The following ABR variants were observed in gnomAD, a reference collection of about 807,000 sequenced individuals.
ABR encodes the protein active breakpoint cluster region-related protein.
ABR carries 35 observed loss-of-function variants against 107.2 expected under a neutral mutation model. The observed-to-expected ratio is 0.33, with a 90% CI of 0.25 to 0.43. The LOEUF is 0.43. ABR is among the 20% of genes least tolerant of loss of function. The probability of loss-of-function intolerance (pLI) is 1.00; values close to 1 mark genes in which losing one functional copy is unlikely to be tolerated. For synonymous variants in ABR, 498 were observed against 462.0 expected (o/e 1.08, Z -1.00); for missense variants, 815 against 1,115.2 (o/e 0.73, Z 3.83).
rs1042050694 is a variant in ABR, at chr17:1,078,618, G to A, written c.700+712C>T. 9.2e-5 allele frequency among the ~76,000 whole-genome samples: 14 copies of A among 152,210 alleles called. No individual in the cohort carries two copies. Among genetic ancestry groups the A allele is most frequent in the Non-Finnish European group, 1.6e-4 (11 of 68,002 alleles). ...CAGCCTGGTCCTTCCATTTGCAAGC[G>A]GCCCTGCTCTGAGCAGCCCCCAGGT... is the stretch of plus-strand genomic sequence containing the variant. On this transcript the variant is annotated intron_variant, in intron 6 of 22. Transcript: ENST00000302538. The surrounding 1 kb of genome is among the most constrained non-coding windows in gnomAD (Gnocchi z 7.5).
rs566535426 is a variant in ABR at position 1,051,152 on chromosome 17, C to T, written c.1562-518G>A. On this transcript the variant is annotated intron_variant, in intron 14 of 22. Coordinates refer to ENST00000302538, the MANE Select transcript of ABR (RefSeq NM_021962.5). This position sits in a 1 kb window ranked among gnomAD's most constrained non-coding sequence, Gnocchi z 4.3. ...CCTGAATGCTCGGAGCATCCCCTGCCGCGGTGACGACCAACAACGCCCACA... is the reference window on the plus strand; with the variant it reads ...CCTGAATGCTCGGAGCATCCCCTGCTGCGGTGACGACCAACAACGCCCACA... Among the ~76,000 whole-genome samples, 5 of 152,228 alleles carry T rather than the reference C, an allele frequency of 3.3e-5. No homozygotes were observed. Among genetic ancestry groups the T allele is most frequent in the South Asian group, 2.1e-4 (1 of 4,828 alleles).
chr17:1,125,271 G>C lies in ABR; in HGVS notation c.158C>G (p.Ser53Trp). 6.2e-7 allele frequency: 1 copy of C among 1,613,596 alleles called. No individual in the cohort carries two copies. Among genetic ancestry groups the C allele is most frequent in the Non-Finnish European group, 8.5e-7 (1 of 1,179,774 alleles). ...GSETMPYIDE[S>W]PTMSPQLSAR... ...GCTGAGCTGCGGGGACATGGTGGGC[G>C]ACTCATCGATGTACGGCATGGTCTC... is the stretch of plus-strand genomic sequence containing the variant. The change falls in exon 2 of 23, where the codon TCG becomes TGG. Residue 53 changes from serine (S) to tryptophan (W), a missense_variant. Ser to Trp is a radical substitution (Grantham distance 177, BLOSUM62 -3). Around this residue, in one of 5 missense-constraint regions of ABR, gnomAD observed 129 missense variants for 124.8 expected, o/e 1.03. Transcript: ENST00000302538.
intron 16 of ABR, among the ~76,000 whole-genome samples, chr17:1,033,246 GC>G (rs1166204405): frequency 1.3e-5 from 2 of 152,230 alleles, no homozygotes; most frequent in African/African-American, 4.8e-5. Context: ...CTCCTCAGAG[GC>G]CTTGGTGTTT....
intron 2 of ABR, among the ~76,000 whole-genome samples, chr17:1,122,168 G>T (rs1275381578): frequency 6.6e-6 from 1 of 152,246 alleles, no homozygotes; most frequent in Non-Finnish European, 1.5e-5. Context: ...CTCCCAGAGT[G>T]CTGGGATTCC....
At chr17:1,112,766 C>G (rs992069372) in intron 2 of ABR, among the ~76,000 whole-genome samples, 32 of 152,282 alleles carry the variant, frequency 2.1e-4, no homozygotes, top group Non-Finnish European at 4.0e-4. Flanking sequence ...TGAAATCTTT[C>G]GCAGCCACTG....
At chr17:1,202,460 T>G (rs17624490) in intron 1 of ABR, among the ~76,000 whole-genome samples, 31,903 of 152,142 alleles carry the variant, frequency 0.21, 3,592 homozygotes, top group Middle Eastern at 0.3. Context: ...ATCCCGGCTG[T>G]CTCTTTCCTA....
chr17:1,040,103 G>A (rs923762878), intron 16 of ABR, among the ~76,000 whole-genome samples: 3 of 152,142 alleles, frequency 2.0e-5, no homozygotes, highest in Non-Finnish European at 2.9e-5. Flanking sequence ...ACCGGCCGTC[G>A]ATCATCTTCC....
chr17:1,199,120 T>C lies in ABR; in HGVS notation c.838+29673A>G, dbSNP rs560601141. ...CTATCTCCTCCCAGACCTTCATTCCTCTGAGGGGGCCGGGGAAGGTGTGAA... is the reference window on the plus strand; with the variant it reads ...CTATCTCCTCCCAGACCTTCATTCCCCTGAGGGGGCCGGGGAAGGTGTGAA... On this transcript the variant is annotated intron_variant, in intron 1 of 22. Coordinates refer to the ABR transcript ENST00000574139. 6.5e-4 allele frequency among the ~76,000 whole-genome samples: 97 copies of C among 148,758 alleles called. 1 individual carries two copies. The highest frequency in any genetic ancestry group is 1.1e-3 in the Non-Finnish European group (75 of 67,666).
chr17:1,043,707 C>T (rs908020615), intron 16 of ABR, among the ~76,000 whole-genome samples: 1 of 152,140 alleles, frequency 6.6e-6, no homozygotes, highest in Non-Finnish European at 1.5e-5. Context: ...AGGCCGGACG[C>T]GGTGGCTCAC....
chr17:1,188,514 T>C (rs922393958), upstream of ABR, among the ~76,000 whole-genome samples: 4 of 150,100 alleles, frequency 2.7e-5, no homozygotes, highest in Non-Finnish European at 5.9e-5. Flanking sequence ...CGCACCACTG[T>C]ACTCCAGCCT....
At position 1,050,493 on chromosome 17, in the gene ABR, G is replaced by A. The variant is rs116728046; in HGVS notation, c.1659+44C>T. 1,525 of 1,554,170 alleles carry A rather than the reference G, an allele frequency of 9.8e-4. 16 individuals carry two copies. In the African/African-American group the frequency reaches 0.017, roughly 17 times the overall value. The stretch of plus-strand genomic sequence containing the variant: ...TCCCCAGCAGACAAGCCACGAGCAC[G>A]GGGTGGTGGGGTCCCCACAGAGATG... On this transcript the variant is annotated intron_variant, in intron 15 of 22. Transcript: ENST00000302538. This position sits in a 1 kb window ranked among gnomAD's most constrained non-coding sequence, Gnocchi z 4.6.
Position 1,070,139 on chromosome 17 carries a change from G to C in ABR, c.895-49C>G. ...AGCCTGCTCAGAGGGGAATGCGGCC[G>C]AGGGCAGAGCCTGCACACGGGGGCA... On this transcript the variant is annotated intron_variant, in intron 8 of 22. Coordinates refer to ENST00000302538, the MANE Select transcript of ABR (RefSeq NM_021962.5). The surrounding 1 kb of genome is among the most constrained non-coding windows in gnomAD (Gnocchi z 4.2). 6.2e-7 allele frequency: 1 copy of C among 1,608,780 alleles called. No individual in the cohort carries two copies. Among genetic ancestry groups the C allele is most frequent in the Non-Finnish European group, 8.5e-7 (1 of 1,177,694 alleles).
chr17:1,075,453 C>T (rs181179890), intron 6 of ABR, among the ~76,000 whole-genome samples: 236 of 152,378 alleles, frequency 1.5e-3, no homozygotes, highest in African/African-American at 5.4e-3. Context: ...ACCCCGTGCG[C>T]GGCTAAGCAG....
intron 18 of ABR, 68 bp downstream of exon 18, chr17:1,012,620 G>T: frequency 8.3e-7 from 1 of 1,197,798 alleles, no homozygotes; most frequent in Non-Finnish European, 1.2e-6. Flanking sequence ...GGGGAGGGCT[G>T]GGGGGCCCGG....
At chr17:1,075,867 C>T (rs2035661429) in intron 6 of ABR, among the ~76,000 whole-genome samples, 1 of 152,116 alleles carries the variant, frequency 6.6e-6, no homozygotes, top group South Asian at 2.1e-4. Flanking sequence ...CATGGTGAAA[C>T]CCCATCTCTA....
In ABR at chr17:1,148,692, G is replaced by A. The variant is rs1362681232; in HGVS notation, c.62-23325C>T. ...CCGAAAGCGCTCCCCACCCTTCCCCGGTCCGTGGAAAAAGTGTCTTCCACG... is the reference window on the plus strand; with the variant it reads ...CCGAAAGCGCTCCCCACCCTTCCCCAGTCCGTGGAAAAAGTGTCTTCCACG... On this transcript the variant is annotated intron_variant, in intron 1 of 22. Transcript: ENST00000302538. The surrounding 1 kb of genome is among the most constrained non-coding windows in gnomAD (Gnocchi z 4.9). Among the ~76,000 whole-genome samples, 1 of 152,140 alleles carries A rather than the reference G, an allele frequency of 6.6e-6. No individual in the cohort carries two copies. The highest frequency in any genetic ancestry group is 6.5e-5 in the Admixed American group (1 of 15,278).
chr17:1,030,872 G>A (rs1323229407), intron 16 of ABR, among the ~76,000 whole-genome samples: 3 of 152,224 alleles, frequency 2.0e-5, no homozygotes, highest in Non-Finnish European at 4.4e-5. Flanking sequence ...CAGAGTTATC[G>A]AGCACTTCCT....
In ABR at chr17:1,050,228, G is replaced by T. The variant is rs202182325; in HGVS notation, c.1660-47C>A. The T allele has an allele frequency of 6.3e-7, 1 of 1,583,168 alleles. No individual in the cohort carries two copies. The highest frequency in any genetic ancestry group is 8.6e-7 in the Non-Finnish European group (1 of 1,168,410). On this transcript the variant is annotated intron_variant, in intron 15 of 22. Coordinates refer to ENST00000302538, the MANE Select transcript of ABR (RefSeq NM_021962.5). The surrounding 1 kb of genome is among the most constrained non-coding windows in gnomAD (Gnocchi z 4.6). Reference sequence around the variant, plus strand: ...GGCCCTGAACCTCCGAAGCTGGGAGGCCTGGCTTTCCGGCAGGTGCGTGCC... The same window carrying T: ...GGCCCTGAACCTCCGAAGCTGGGAGTCCTGGCTTTCCGGCAGGTGCGTGCC...
intron 5 of ABR, chr17:1,083,141 A>G (rs1224176276): frequency 6.5e-6 from 1 of 152,840 alleles, no homozygotes; most frequent in Non-Finnish European, 1.5e-5. Context: ...AAAAAAAAAA[A>G]AAAAGGATTA....
Sources: gnomAD v4.1 joint callset for allele counts (sites outside exome capture counted in the v4.1 genomes callset) on GRCh38, gnomAD v4.1.1 for gene constraint, gnomAD v4.1.1 regional missense constraint, Gnocchi (gnomAD v3.1) non-coding constraint, MANE v1.5 for transcripts, NCBI Gene and HGNC (gene_info 2026-07-23, HGNC 2026-07-21) for gene names.